The following NRDC variants were observed in gnomAD, a reference collection of about 807,000 sequenced individuals.
NRDC encodes the protein nardilysin convertase, also known as nardilysin.
Under a neutral mutation model 147.1 loss-of-function variants are expected in NRDC, and 54 were observed. That is an observed-to-expected ratio of 0.37 (90% CI 0.29 to 0.46). The LOEUF (loss-of-function observed/expected upper bound fraction) is 0.46, where lower values mean the gene tolerates loss of function less well. Ranked by LOEUF, NRDC falls within the 20% of genes least tolerant of loss-of-function variation. The pLI, the probability that NRDC is intolerant of heterozygous loss-of-function variation, is 1.00. For synonymous variants in NRDC, 440 were observed against 482.1 expected (o/e 0.91, Z 1.14); for missense variants, 1,082 against 1,370.6 (o/e 0.79, Z 3.33).
chr1:51,846,313 C>T (rs889913669), intron 1 of NRDC, among the ~76,000 whole-genome samples: 3 of 152,102 alleles, frequency 2.0e-5, no homozygotes, highest in Non-Finnish European at 2.9e-5. Flanking sequence ...GGGTTTTCAC[C>T]ATGTTGGCCA....
rs1449895211 is a variant in NRDC at position 51,789,660 on chromosome 1, T to G, written c.3169-3A>C. 1.9e-6 allele frequency: 3 copies of G among 1,605,592 alleles called. No individual in the cohort carries two copies. The highest frequency in any genetic ancestry group is 2.6e-6 in the Non-Finnish European group (3 of 1,172,428). On this transcript the variant is annotated splice_polypyrimidine_tract_variant and splice_region_variant and intron_variant, in intron 29 of 30. Coordinates refer to ENST00000352171, the MANE Select transcript of NRDC (RefSeq NM_001101662.2). ...GAGAATGACTTCAGTGCTTCAATCT[T>G]ACAAGGGAAGGGAAGATAGGAAAGA...
At chr1:51,845,596 A>G (rs1374347118) in intron 1 of NRDC, among the ~76,000 whole-genome samples, 5 of 152,048 alleles carry the variant, frequency 3.3e-5, no homozygotes, top group African/African-American at 7.3e-5. Flanking sequence ...CCGTCACAAA[A>G]AAAAGAAAAG....
chr1:51,859,427 T>C (rs997587555), intron 1 of NRDC, among the ~76,000 whole-genome samples: 1 of 152,248 alleles, frequency 6.6e-6, no homozygotes, highest in African/African-American at 2.4e-5. Flanking sequence ...ATGCCCACAG[T>C]GAGGCATGAG....
chr1:51,796,043 CTAATTTTTTT>C (rs1678886807), intron 22 of NRDC, among the ~76,000 whole-genome samples: 1 of 151,954 alleles, frequency 6.6e-6, no homozygotes, highest in African/African-American at 2.4e-5. Context: ...CTACACCCAG[CTAATTTTTTT>C]TAATTTTTTT....
At chr1:51,840,949 A>T (rs1475732699) in intron 1 of NRDC, among the ~76,000 whole-genome samples, 1 of 152,240 alleles carries the variant, frequency 6.6e-6, no homozygotes, top group Non-Finnish European at 1.5e-5. Flanking sequence ...TCAGCTTAAT[A>T]TTAAAGCAAA....
chr1:51,874,237 G>A (rs1276342382), intron 1 of NRDC, among the ~76,000 whole-genome samples: 1 of 151,286 alleles, frequency 6.6e-6, no homozygotes, highest in Non-Finnish European at 1.5e-5. Context: ...GTTAAACATG[G>A]AAAGTGCTCT....
At chr1:51,837,727 A>G in intron 2 of NRDC, 2 of 769,256 alleles carry the variant, frequency 2.6e-6, no homozygotes, top group Non-Finnish European at 3.7e-6. Context: ...TCTTAATTCA[A>G]TGTATATCAT....
Position 51,846,238 on chromosome 1 carries a change from G to A in NRDC, c.342-5724C>T, listed in dbSNP as rs764473753. Among the ~76,000 whole-genome samples, 6 of 151,814 alleles carry A rather than the reference G, an allele frequency of 4.0e-5. 1 individual carries two copies. In the South Asian group the frequency reaches 1.0e-3, roughly 26 times the overall value. ...AGTGATTCTCCTGCCTTAAGCTCCC[G>A]GGTAGCTGGGACCACAGGCGTGCAC... is the stretch of plus-strand genomic sequence containing the variant. On this transcript the variant is annotated intron_variant, in intron 1 of 30. Transcript: ENST00000352171.
intron 1 of NRDC, among the ~76,000 whole-genome samples, chr1:51,872,206 T>C (rs1358576435): frequency 6.6e-6 from 1 of 152,164 alleles, no homozygotes; most frequent in Non-Finnish European, 1.5e-5. Context: ...GGTTTTGTTT[T>C]TTTGAGACAG....
intron 1 of NRDC, among the ~76,000 whole-genome samples, chr1:51,852,167 T>G (rs1215684591): frequency 6.6e-6 from 1 of 152,146 alleles, no homozygotes; most frequent in Non-Finnish European, 1.5e-5. Flanking sequence ...TTAAGCTGTC[T>G]TTGGGGCAGC....
At chr1:51,835,878 C>A (rs1680944304) in intron 3 of NRDC, among the ~76,000 whole-genome samples, 1 of 152,164 alleles carries the variant, frequency 6.6e-6, no homozygotes, top group Non-Finnish European at 1.5e-5. Context: ...GATCCGTTGG[C>A]CTTAACATAG....
At chr1:51,813,747 C>T (rs1253071954) in intron 14 of NRDC, among the ~76,000 whole-genome samples, 1 of 152,202 alleles carries the variant, frequency 6.6e-6, no homozygotes, top group Non-Finnish European at 1.5e-5. Context: ...TAACAAGTCT[C>T]CATGAATGTT....
intron 4 of NRDC, 116 bp from the exon 5 acceptor site, chr1:51,827,985 T>C (rs1680519342): frequency 5.3e-6 from 4 of 750,402 alleles, no homozygotes; most frequent in South Asian, 1.7e-5. Flanking sequence ...CCTAAGTATA[T>C]AAAATCTAAA....
intron 1 of NRDC, among the ~76,000 whole-genome samples, chr1:51,863,335 G>A (rs1051596945): frequency 6.6e-6 from 1 of 152,098 alleles, no homozygotes. Context: ...CCGGGAGGCA[G>A]AGGCTGCAGT....
At chr1:51,850,856 C>G (rs1004425829) in intron 1 of NRDC, among the ~76,000 whole-genome samples, 1 of 152,194 alleles carries the variant, frequency 6.6e-6, no homozygotes, top group Non-Finnish European at 1.5e-5. Flanking sequence ...GTCCTCCTTG[C>G]TTGACACCCT....
chr1:51,855,041 C>CTT (rs1682164242), intron 1 of NRDC, among the ~76,000 whole-genome samples: 2 of 152,190 alleles, frequency 1.3e-5, no homozygotes, highest in African/African-American at 4.8e-5. Flanking sequence ...TTAGAAAAAG[C>CTT]TTTGCCTCCT....
intron 5 of NRDC, 144 bp from the exon 6 acceptor site, chr1:51,825,526 C>G: frequency 1.5e-6 from 1 of 665,098 alleles, no homozygotes; most frequent in Non-Finnish European, 2.5e-6. Flanking sequence ...GTGGGAAACT[C>G]AATGATCCAG....
At chr1:51,790,207 C>T (rs778973244) in intron 29 of NRDC, among the ~76,000 whole-genome samples, 14 of 151,958 alleles carry the variant, frequency 9.2e-5, no homozygotes, top group Non-Finnish European at 1.5e-4. Context: ...TAATGAACTC[C>T]GTAAAGACAA....
chr1:51,810,438 A>C (rs752077838), intron 15 of NRDC, 34 bp from the exon 16 acceptor site: 6 of 1,590,996 alleles, frequency 3.8e-6, no homozygotes, highest in African/African-American at 1.3e-5. Context: ...AGAGATACAC[A>C]CAATTTTAAC....
Sources: gnomAD v4.1 joint callset for allele counts (sites outside exome capture counted in the v4.1 genomes callset) on GRCh38, gnomAD v4.1.1 for gene constraint, MANE v1.5 for transcripts, NCBI Gene and HGNC (gene_info 2026-07-23, HGNC 2026-07-21) for gene names.